CNNM2: variants seen among roughly 807,000 people sequenced by gnomAD.
CNNM2 encodes the protein cyclin and CBS domain divalent metal cation transport mediator 2, also known as metal transporter CNNM2.
CNNM2 carries 12 observed loss-of-function variants against 66.9 expected under a neutral mutation model. That is an observed-to-expected ratio of 0.18 (90% CI 0.11 to 0.29). CNNM2 has a LOEUF of 0.29. Ranked by LOEUF, CNNM2 falls within the 10% of genes least tolerant of loss-of-function variation. The pLI, the probability that CNNM2 is intolerant of heterozygous loss-of-function variation, is 1.00. For missense variants in CNNM2, 705 were observed against 1,167.7 expected (o/e 0.60, Z 5.77); for synonymous variants, 557 against 501.8 (o/e 1.11, Z -1.47).
Position 103,079,581 on chromosome 10 carries a change from G to C in CNNM2, c.*2401G>C, listed in dbSNP as rs1157217819. Reference sequence around the variant, plus strand: ...CTGCTGCCTCTGACTTCAGGGAGAAGCAGACTTCTTAATACTGTCTTACGT... The same window carrying C: ...CTGCTGCCTCTGACTTCAGGGAGAACCAGACTTCTTAATACTGTCTTACGT... On this transcript the variant is annotated 3_prime_UTR_variant, in exon 8 of 8. Coordinates refer to ENST00000369878, the MANE Select transcript of CNNM2 (RefSeq NM_017649.5). 6.6e-6 allele frequency: 1 copy of C among 152,302 alleles called. No homozygotes were observed. Among genetic ancestry groups the C allele is most frequent in the Non-Finnish European group, 1.5e-5 (1 of 68,092 alleles). The allele number at this position is 152,302 out of a possible 1,614,324, so 9.4% of individuals were successfully genotyped here.
intron 1 of CNNM2, among the ~76,000 whole-genome samples, chr10:102,976,611 A>ATTTTTTTTTTTTTTTTTTTTTTTTTTTTT (rs66498944): frequency 6.7e-5 from 4 of 59,442 alleles, no homozygotes; most frequent in South Asian, 5.0e-4. Context: ...CGCCCAGGTA[A>ATTTTTTTTTTTTTTTTTTTTTTTTTTTTT]TTTTTTTTTT....
intron 1 of CNNM2, among the ~76,000 whole-genome samples, chr10:102,967,713 T>C (rs986132394): frequency 1.3e-5 from 2 of 152,166 alleles, no homozygotes; most frequent in Non-Finnish European, 2.9e-5. Flanking sequence ...AGGCTGTTAT[T>C]AATAACGCTC....
rs186684295 is a variant in CNNM2, at chr10:103,069,728, G to A, written c.2167+1006G>A. ...TGGGGATGGCGCTGCTTGGCAGAGCGCACACGCTTGCTATTAATACCTGAG... is the reference window on the plus strand; with the variant it reads ...TGGGGATGGCGCTGCTTGGCAGAGCACACACGCTTGCTATTAATACCTGAG... On this transcript the variant is annotated intron_variant, in intron 5 of 7. Coordinates refer to ENST00000369878, the MANE Select transcript of CNNM2 (RefSeq NM_017649.5). Among the ~76,000 whole-genome samples the A allele has an allele frequency of 2.1e-4, 32 of 152,340 alleles. No individual in the cohort carries two copies. In the East Asian group the frequency reaches 4.8e-3, roughly 23 times the overall value.
At chr10:103,015,248 C>T (rs185995504) in intron 1 of CNNM2, among the ~76,000 whole-genome samples, 2 of 152,204 alleles carry the variant, frequency 1.3e-5, no homozygotes, top group East Asian at 3.9e-4. Flanking sequence ...AGGACTGGGT[C>T]AATAACTTTG....
At chr10:102,953,337 A>G (rs1846909812) in intron 1 of CNNM2, among the ~76,000 whole-genome samples, 3 of 150,960 alleles carry the variant, frequency 2.0e-5, no homozygotes, top group African/African-American at 7.3e-5. Context: ...GCTTGCTGCA[A>G]CCTCTGCCTC....
At chr10:102,977,007 A>G (rs557878163) in intron 1 of CNNM2, among the ~76,000 whole-genome samples, 1 of 152,236 alleles carries the variant, frequency 6.6e-6, no homozygotes, top group South Asian at 2.1e-4. Flanking sequence ...ATGTGCTGAT[A>G]ATTGGTCAAG....
chr10:102,996,660 G>A (rs989147801), intron 1 of CNNM2, among the ~76,000 whole-genome samples: 3 of 152,158 alleles, frequency 2.0e-5, no homozygotes, highest in Admixed American at 6.6e-5. Flanking sequence ...TTCCAGCCTG[G>A]GAAACAGAGC....
At position 102,919,365 on chromosome 10, in the gene CNNM2, G is replaced by A; in HGVS notation, c.885G>A (p.Thr295=). The A allele has an allele frequency of 1.9e-6, 3 of 1,612,694 alleles. No homozygotes were observed. The highest frequency in any genetic ancestry group is 2.5e-6 in the Non-Finnish European group (3 of 1,180,044). The change falls in exon 1 of 8, where the codon ACG becomes ACA. Residue 295 remains threonine, a synonymous_variant. Coordinates refer to ENST00000369878, the MANE Select transcript of CNNM2 (RefSeq NM_017649.5). The stretch of plus-strand genomic sequence containing the variant: ...TGCGCATCGTGCAGAACTGCGGCAC[G>A]GAGAAGGAGAAGAATTACGCCAAGC... ...MELRIVQNCG[T]EKEKNYAKRI...
intron 1 of CNNM2, among the ~76,000 whole-genome samples, chr10:103,019,284 AAG>A (rs2064521418): frequency 6.6e-6 from 1 of 151,848 alleles, no homozygotes; most frequent in South Asian, 2.1e-4. Context: ...AAAAAAAAAA[AAG>A]AGTAATGAAA....
intron 1 of CNNM2, among the ~76,000 whole-genome samples, chr10:102,935,759 C>T (rs1038611849): frequency 3.4e-5 from 5 of 147,088 alleles, no homozygotes; most frequent in Non-Finnish European, 7.5e-5. Context: ...CACAGGCACA[C>T]TCCACTGCAC....
In CNNM2 at chr10:103,077,395, G is replaced by A. The variant is rs1036544128; in HGVS notation, c.*215G>A. The A allele has an allele frequency of 4.8e-5, 25 of 523,604 alleles. No individual in the cohort carries two copies. Among genetic ancestry groups the A allele is most frequent in the African/African-American group, 9.4e-5 (5 of 52,992 alleles). The allele number at this position is 523,604 out of a possible 1,614,324, so 32.4% of individuals were successfully genotyped here. On this transcript the variant is annotated 3_prime_UTR_variant, in exon 8 of 8. Transcript: ENST00000369878. ...GTGAAGTTGGCAGCCGGGGCATGGCGTTCAAGATTTTGGAGATGAACTGAT... is the reference window on the plus strand; with the variant it reads ...GTGAAGTTGGCAGCCGGGGCATGGCATTCAAGATTTTGGAGATGAACTGAT...
intron 1 of CNNM2, among the ~76,000 whole-genome samples, chr10:102,981,693 A>G (rs1472091066): frequency 1.3e-5 from 2 of 151,980 alleles, no homozygotes; most frequent in Non-Finnish European, 2.9e-5. Flanking sequence ...ACGCCTGACC[A>G]GGGATGGTAA....
chr10:102,971,177 G>T (rs1454794515), intron 1 of CNNM2, among the ~76,000 whole-genome samples: 4 of 151,084 alleles, frequency 2.6e-5, no homozygotes, highest in African/African-American at 7.3e-5. Flanking sequence ...AATCCAGCCT[G>T]GGTGACAGAG....
intron 1 of CNNM2, among the ~76,000 whole-genome samples, chr10:102,940,668 T>C (rs1433232567): frequency 1.3e-5 from 2 of 151,694 alleles, no homozygotes; most frequent in African/African-American, 4.8e-5. Flanking sequence ...TCCGCCCTCC[T>C]TGGCCTCCTA....
intron 2 of CNNM2, among the ~76,000 whole-genome samples, chr10:103,051,260 G>T (rs563241913): frequency 5.7e-4 from 87 of 151,974 alleles, no homozygotes; most frequent in Non-Finnish European, 1.1e-3. Context: ...GTGAAACTCC[G>T]TCTCTACTAA....
At chr10:103,024,396 C>T (rs2064656185) in intron 1 of CNNM2, among the ~76,000 whole-genome samples, 1 of 152,094 alleles carries the variant, frequency 6.6e-6, no homozygotes, top group Admixed American at 6.6e-5. Context: ...CATTTCATGC[C>T]TCATAAGTCT....
chr10:103,008,508 G>T (rs2064271452), intron 1 of CNNM2, among the ~76,000 whole-genome samples: 1 of 152,174 alleles, frequency 6.6e-6, no homozygotes, highest in Non-Finnish European at 1.5e-5. Context: ...GGCCGGGGTG[G>T]TGCCTCACAC....
intron 1 of CNNM2, among the ~76,000 whole-genome samples, chr10:103,018,686 CTTTTTTTTTT>C (rs370000130): frequency 8.6e-6 from 1 of 116,294 alleles, no homozygotes; most frequent in Admixed American, 9.2e-5. Flanking sequence ...CTCTTCTTTC[CTTTTTTTTTT>C]TTTTTTTTTT....
intron 1 of CNNM2, among the ~76,000 whole-genome samples, chr10:102,945,622 C>T (rs545667997): frequency 2.0e-5 from 3 of 152,188 alleles, no homozygotes; most frequent in Non-Finnish European, 2.9e-5. Context: ...TCTCCTCTCT[C>T]TGCCTGCTTC....
Sources: gnomAD v4.1 joint callset for allele counts (sites outside exome capture counted in the v4.1 genomes callset) on GRCh38, gnomAD v4.1.1 for gene constraint, MANE v1.5 for transcripts, NCBI Gene and HGNC (gene_info 2026-07-23, HGNC 2026-07-21) for gene names.